MECOM: variants seen among roughly 807,000 people sequenced by gnomAD.
MECOM encodes the protein MDS1 and EVI1 complex locus.
Under a neutral mutation model 116.3 loss-of-function variants are expected in MECOM, and 13 were observed. The ratio of observed to expected loss-of-function variants is 0.11; its 90% CI spans 0.07 to 0.18. The LOEUF is 0.18. Ranked by LOEUF, MECOM falls within the 10% of genes least tolerant of loss-of-function variation. The pLI, the probability that MECOM is intolerant of heterozygous loss-of-function variation, is 1.00. For missense variants in MECOM, 1,299 were observed against 1,509.0 expected, an observed-to-expected ratio of 0.86 and a Z score of 2.31; for synonymous variants, 528 against 535.2, an observed-to-expected ratio of 0.99 and a Z score of 0.19.
At position 169,112,830 on chromosome 3, in the gene MECOM, T is replaced by C; in HGVS notation, c.2534A>G (p.Glu845Gly). ...TCCTGGAGAAGGCCTCAAGTATTTC[T>C]CTTTTAAAGCTTCAAGTGGGTCAGT... ...KLTDPLEALK[E>G]KYLRPSPGFL... The change falls in exon 9 of 17, where the codon GAG becomes GGG. Residue 845 changes from glutamate to glycine, a missense_variant. This residue lies in a region of MECOM where 340 missense variants were observed against 312.6 expected (regional missense o/e 1.09). Coordinates refer to ENST00000651503, the MANE Select transcript of MECOM (RefSeq NM_004991.4). 1 of 1,613,244 alleles carries C rather than the reference T, an allele frequency of 6.2e-7. No homozygotes were observed. The highest frequency in any genetic ancestry group is 8.5e-7 in the Non-Finnish European group (1 of 1,179,470).
chr3:169,165,102 C>T (rs1397267756), intron 2 of MECOM, among the ~76,000 whole-genome samples: 2 of 152,142 alleles, frequency 1.3e-5, no homozygotes, highest in Non-Finnish European at 2.9e-5. Context: ...TTTGAAAACG[C>T]TTAGTGAAAG....
At chr3:169,650,038 A>T (rs975114770) in intron 1 of MECOM, among the ~76,000 whole-genome samples, 5 of 152,248 alleles carry the variant, frequency 3.3e-5, no homozygotes, top group Admixed American at 6.5e-5. Flanking sequence ...CAACAACATC[A>T]TTGCCAAAGA....
Position 169,611,925 on chromosome 3 carries a change from G to A in MECOM, c.37+51411C>T, listed in dbSNP as rs1430756503. On this transcript the variant is annotated intron_variant, in intron 1 of 16. Coordinates refer to ENST00000651503, the MANE Select transcript of MECOM (RefSeq NM_004991.4). The surrounding 1 kb of genome is among the most constrained non-coding windows in gnomAD (Gnocchi z 4.1). ...TAGAACACGGTTTCTAAATCTCAACGCTATTGACATTTTGAGCCAGATAAT... is the reference window on the plus strand; with the variant it reads ...TAGAACACGGTTTCTAAATCTCAACACTATTGACATTTTGAGCCAGATAAT... Among the ~76,000 whole-genome samples, 5 of 152,130 alleles carry A rather than the reference G, an allele frequency of 3.3e-5. No homozygotes were observed. The highest frequency in any genetic ancestry group is 2.6e-4 in the Admixed American group (4 of 15,272).
In MECOM at chr3:169,084,527, T is replaced by A. The variant is rs574636675; in HGVS notation, c.*382A>T. 7.0e-5 allele frequency: 17 copies of A among 244,416 alleles called. No homozygotes were observed. The South Asian group carries it at 2.6e-3, about 37-fold the overall frequency. The allele number at this position is 244,416 out of a possible 1,614,324, so 15.1% of individuals were successfully genotyped here. On this transcript the variant is annotated 3_prime_UTR_variant, in exon 17 of 17. Transcript: ENST00000651503. ...CAGGTGATCTTGTACAAAAGAGAAT[T>A]CAGTTTCTATGGAGTGTTCATTCAT...
At chr3:169,497,244 T>C (rs971528636) in intron 1 of MECOM, among the ~76,000 whole-genome samples, 1 of 152,194 alleles carries the variant, frequency 6.6e-6, no homozygotes, top group African/African-American at 2.4e-5. Context: ...TCTATCCCTA[T>C]TGCCACAACC....
intron 16 of MECOM, among the ~76,000 whole-genome samples, chr3:169,086,218 T>A (rs1717683893): frequency 6.6e-6 from 1 of 152,202 alleles, no homozygotes; most frequent in Non-Finnish European, 1.5e-5. Flanking sequence ...TATCTCATGA[T>A]CCATTTAACA....
intron 5 of MECOM, 148 bp from the exon 6 acceptor site, chr3:169,122,875 C>G (rs1731513820): frequency 1.2e-6 from 1 of 832,838 alleles, no homozygotes; most frequent in Non-Finnish European, 1.8e-6. Flanking sequence ...AGGCTTGTGA[C>G]AGACAAAAGT....
At chr3:169,091,763 G>A (rs1457166867) in intron 14 of MECOM, among the ~76,000 whole-genome samples, 3 of 151,818 alleles carry the variant, frequency 2.0e-5, no homozygotes. Flanking sequence ...TTTTATACAA[G>A]TTGAAAAACA....
intron 1 of MECOM, among the ~76,000 whole-genome samples, chr3:169,398,963 G>A (rs973318011): frequency 2.6e-5 from 4 of 152,146 alleles, no homozygotes; most frequent in Non-Finnish European, 5.9e-5. Flanking sequence ...CATCTGTTAA[G>A]GGTTCCCACT....
At chr3:169,663,215 G>A (rs1560553136) in intron 1 of MECOM, 121 bp downstream of exon 1, 1 of 1,141,016 alleles carries the variant, frequency 8.8e-7, no homozygotes, top group Non-Finnish European at 1.3e-6. Context: ...CGCTCCGCCT[G>A]CCCTCCACCC....
At chr3:169,650,697 C>T (rs1252992232) in intron 1 of MECOM, among the ~76,000 whole-genome samples, 1 of 152,024 alleles carries the variant, frequency 6.6e-6, no homozygotes, top group African/African-American at 2.4e-5. Context: ...CTATGACCTT[C>T]CCAAAACCCT....
intron 1 of MECOM, among the ~76,000 whole-genome samples, chr3:169,521,890 G>T (rs780648631): frequency 3.1e-4 from 47 of 151,920 alleles, no homozygotes; most frequent in Admixed American, 1.6e-3. Context: ...ATTTTTTTTT[G>T]TTGTTATTCC....
At chr3:169,462,714 A>T (rs1747657371) in intron 1 of MECOM, among the ~76,000 whole-genome samples, 3 of 152,174 alleles carry the variant, frequency 2.0e-5, no homozygotes, top group South Asian at 4.1e-4. Flanking sequence ...TTTCTTTCAA[A>T]CTCAACAAGT....
chr3:169,378,474 C>CG (rs1731629484), intron 2 of MECOM, among the ~76,000 whole-genome samples: 5 of 27,480 alleles, frequency 1.8e-4, no homozygotes, highest in East Asian at 8.6e-4. Flanking sequence ...AGCAAGCAAG[C>CG]AAGAAAGAGA....
chr3:169,592,682 T>C (rs1468327054), intron 1 of MECOM, among the ~76,000 whole-genome samples: 1 of 152,212 alleles, frequency 6.6e-6, no homozygotes, highest in Non-Finnish European at 1.5e-5. Flanking sequence ...AGTTGTTTTT[T>C]ATATGATAGT....
intron 1 of MECOM, among the ~76,000 whole-genome samples, chr3:169,539,183 G>C (rs1408864024): frequency 6.6e-6 from 1 of 152,034 alleles, no homozygotes; most frequent in Non-Finnish European, 1.5e-5. Flanking sequence ...TTGATCTAAG[G>C]CTTCCATGGT....
intron 1 of MECOM, among the ~76,000 whole-genome samples, chr3:169,659,612 G>A (rs1776014482): frequency 6.6e-6 from 1 of 151,964 alleles, no homozygotes; most frequent in Non-Finnish European, 1.5e-5. Context: ...GTTGGGAGAA[G>A]GATTTTCCTC....
chr3:169,525,697 C>G (rs1383125483), intron 1 of MECOM, among the ~76,000 whole-genome samples: 1 of 152,204 alleles, frequency 6.6e-6, no homozygotes, highest in African/African-American at 2.4e-5. Context: ...TCCAACATAT[C>G]CTGTGTAAAC....
chr3:169,558,527 C>T (rs1353372241), intron 1 of MECOM, among the ~76,000 whole-genome samples: 1 of 152,108 alleles, frequency 6.6e-6, no homozygotes, highest in African/African-American at 2.4e-5. Flanking sequence ...TTTCACTGGC[C>T]TTTGGTTCTG....
Sources: gnomAD v4.1 joint callset for allele counts (sites outside exome capture counted in the v4.1 genomes callset) on GRCh38, gnomAD v4.1.1 for gene constraint, gnomAD v4.1.1 regional missense constraint, Gnocchi (gnomAD v3.1) non-coding constraint, MANE v1.5 for transcripts, NCBI Gene and HGNC (gene_info 2026-07-23, HGNC 2026-07-21) for gene names.